GEMIN2: variants seen among roughly 807,000 people sequenced by gnomAD.
The protein encoded by GEMIN2 is gem-associated protein 2.
GEMIN2 carries 37 observed loss-of-function variants against 45.8 expected under a neutral mutation model. The ratio of observed to expected loss-of-function variants is 0.81; its 90% confidence interval spans 0.62 to 1.06. GEMIN2 has a LOEUF of 1.06. GEMIN2 is among the 50% of genes least tolerant of loss of function. The probability of loss-of-function intolerance (pLI) is 0.00; values close to 1 mark genes in which losing one functional copy is unlikely to be tolerated. For missense variants in GEMIN2, 335 were observed against 321.8 expected (o/e 1.04, Z -0.31); for synonymous variants, 101 against 111.5 (o/e 0.91, Z 0.60).
intron 9 of GEMIN2, among the ~76,000 whole-genome samples, chr14:39,135,304 G>C (rs920761301): frequency 6.6e-6 from 1 of 152,148 alleles, no homozygotes; most frequent in Non-Finnish European, 1.5e-5. Context: ...GGAAAAAAAG[G>C]ACCGGGCATG....
intron 4 of GEMIN2, among the ~76,000 whole-genome samples, chr14:39,120,943 T>C (rs550785443): frequency 2.0e-5 from 3 of 152,324 alleles, no homozygotes; most frequent in South Asian, 4.1e-4. Flanking sequence ...TACAAGGTGA[T>C]ATGTACAAAC....
intron 8 of GEMIN2, among the ~76,000 whole-genome samples, chr14:39,132,902 C>T (rs995037275): frequency 8.6e-5 from 13 of 150,808 alleles, no homozygotes; most frequent in Admixed American, 8.0e-4. Context: ...TGGTCTCAAA[C>T]TGCTGACTTC....
In GEMIN2 at chr14:39,118,077, A is replaced by G. The variant is rs755485752; in HGVS notation, c.301A>G (p.Thr101Ala). The change falls in exon 3 of 10, where the codon ACT (threonine) becomes GCT (alanine). Residue 101 changes from threonine (T) to alanine (A), a missense_variant. Coordinates refer to ENST00000308317, the MANE Select transcript of GEMIN2 (RefSeq NM_003616.3). ...WQQQQVAQFS[T>A]VRQNVNKHRS... is the part of the protein sequence containing the mutation. ...ACAGCAACAAGTGGCACAGTTTTCA[A>G]CTGTTCGACAGGTAAGTGTCATATT... is the stretch of plus-strand genomic sequence containing the variant. The G allele has an allele frequency of 1.9e-6, 3 of 1,572,638 alleles. No individual in the cohort carries two copies. Among genetic ancestry groups the G allele is most frequent in the Non-Finnish European group, 2.6e-6 (3 of 1,145,010 alleles).
At position 39,128,266 on chromosome 14, in the gene GEMIN2, CTT is replaced by C. The variant is rs546041076; in HGVS notation, c.532-4_532-3del. Reference sequence around the variant, plus strand: ...TTAATACAACTCTTCTCCACCCCCTCTTTTTTTTTTTAGGCAACAGTAACTAG... The same window carrying C: ...TTAATACAACTCTTCTCCACCCCCTCTTTTTTTTTAGGCAACAGTAACTAG... On this transcript the variant is annotated splice_polypyrimidine_tract_variant and intron_variant, in intron 6 of 9. Transcript: ENST00000308317. The C allele has an allele frequency of 4.8e-4, 552 of 1,144,968 alleles. 2 individuals are homozygous for C. The highest frequency in any genetic ancestry group is 1.9e-3 in the East Asian group (66 of 34,204). 70.9% of individuals were successfully genotyped at this position (1,144,968 alleles called of 1,614,324 possible).
At position 39,123,685 on chromosome 14, in the gene GEMIN2, G is replaced by GTTAT. The variant is rs1566532769; in HGVS notation, c.486+1142_486+1143insTTAT. Among the ~76,000 whole-genome samples, 137 of 59,610 alleles carry GTTAT rather than the reference G, an allele frequency of 2.3e-3. 2 individuals carry two copies. Among genetic ancestry groups the GTTAT allele is most frequent in the African/African-American group, 7.9e-3 (131 of 16,540 alleles). The allele number at this position is 59,610 out of a possible 152,430, so 39.1% of individuals were successfully genotyped here. ...TAACATATGCTACATTTCAAAAATA[G>GTTAT]CTATATATATATATATATATATATT... is the stretch of plus-strand genomic sequence containing the variant. On this transcript the variant is annotated intron_variant, in intron 5 of 9. Transcript: ENST00000308317.
At chr14:39,129,643 C>T (rs1397864111) in intron 7 of GEMIN2, among the ~76,000 whole-genome samples, 2 of 152,082 alleles carry the variant, frequency 1.3e-5, no homozygotes, top group African/African-American at 2.4e-5. Flanking sequence ...GAACTCATGA[C>T]CTCAGGTGAT....
intron 7 of GEMIN2, among the ~76,000 whole-genome samples, chr14:39,129,945 T>G (rs1051590037): frequency 1.1e-4 from 15 of 135,452 alleles, no homozygotes; most frequent in East Asian, 4.2e-4. Context: ...TTTTTTTTTT[T>G]TTTTTTTTTT....
intron 7 of GEMIN2, among the ~76,000 whole-genome samples, chr14:39,131,228 CA>C (rs978679765): frequency 3.5e-4 from 53 of 152,100 alleles, no homozygotes; most frequent in African/African-American, 1.2e-3. Flanking sequence ...ACCCGGGAGG[CA>C]GAGGTTGCAG....
intron 5 of GEMIN2, 153 bp downstream of exon 5, chr14:39,122,696 TA>T (rs1285236906): frequency 2.1e-6 from 1 of 466,942 alleles, no homozygotes; most frequent in Non-Finnish European, 3.9e-6. Context: ...TTTGAAAGAG[TA>T]AAAAAGAAAC....
chr14:39,122,841 G>A lies in GEMIN2; in HGVS notation c.486+298G>A, dbSNP rs566738242. The stretch of plus-strand genomic sequence containing the variant: ...AACCTAACAAAACAGCTTAGTTTCT[G>A]AAACAATTTACTGTGACTTTTTTTA... On this transcript the variant is annotated intron_variant, in intron 5 of 9. Coordinates refer to ENST00000308317, the MANE Select transcript of GEMIN2 (RefSeq NM_003616.3). 1.8e-4 allele frequency: 41 copies of A among 227,584 alleles called. 1 individual carries two copies. In the South Asian group the frequency reaches 6.8e-3, roughly 38 times the overall value. 14.1% of individuals were successfully genotyped at this position (227,584 alleles called of 1,614,324 possible).
At chr14:39,120,613 A>G (rs1594510947) in intron 4 of GEMIN2, among the ~76,000 whole-genome samples, 1 of 1,214 alleles carries the variant, frequency 8.2e-4, no homozygotes, top group African/African-American at 3.1e-3. Context: ...GTGAGGTTTT[A>G]TTTTATTTTA....
intron 8 of GEMIN2, among the ~76,000 whole-genome samples, chr14:39,132,814 G>A (rs2052735230): frequency 6.6e-6 from 1 of 150,556 alleles, no homozygotes; most frequent in Non-Finnish European, 1.5e-5. Flanking sequence ...GAGTAGCTGA[G>A]ATTACAGGTG....
Position 39,122,493 on chromosome 14 carries a change from G to A in GEMIN2, c.436G>A (p.Gly146Arg), listed in dbSNP as rs140431922. ...TCTGGGTGAAAAGTTATGTGCTGAC[G>A]GGGCTGTTGGACCAGCCACAAATGA... ...FCLGEKLCAD[G>R]AVGPATNESP... The change falls in exon 5 of 10, where the codon GGG becomes AGG. Residue 146 changes from glycine to arginine, a missense_variant. By Grantham distance (125) the Gly-to-Arg change is moderately radical. Transcript: ENST00000308317. 198 of 1,609,546 alleles carry A rather than the reference G, an allele frequency of 1.2e-4. No individual in the cohort carries two copies. In the African/African-American group the frequency reaches 2.1e-3, roughly 17 times the overall value.
intron 6 of GEMIN2, 89 bp downstream of exon 6, chr14:39,125,125 C>A: frequency 1.4e-6 from 1 of 720,532 alleles, no homozygotes. Flanking sequence ...TGAATTCTTA[C>A]AGTATGCAAG....
intron 2 of GEMIN2, among the ~76,000 whole-genome samples, chr14:39,117,128 C>T (rs1487791325): frequency 2.0e-5 from 3 of 151,848 alleles, no homozygotes; most frequent in South Asian, 2.1e-4. Flanking sequence ...CAAAATTAGC[C>T]GGGTGTGGTG....
intron 9 of GEMIN2, among the ~76,000 whole-genome samples, chr14:39,135,459 GC>G (rs2052770153): frequency 6.6e-6 from 1 of 152,048 alleles, no homozygotes; most frequent in South Asian, 2.1e-4. Flanking sequence ...GGTGGTTCAC[GC>G]CTGTAATCCC....
chr14:39,133,615 G>A (rs746580014), intron 8 of GEMIN2, 46 bp from the exon 9 acceptor site: 1 of 1,013,120 alleles, frequency 9.9e-7, no homozygotes, highest in South Asian at 1.6e-5. Flanking sequence ...TATTTCAAAA[G>A]TAATAGGAAC....
chr14:39,125,075 G>A, intron 6 of GEMIN2, 39 bp downstream of exon 6: 1 of 960,346 alleles, frequency 1.0e-6, no homozygotes, highest in Non-Finnish European at 1.7e-6. Flanking sequence ...TCTTTTGTTT[G>A]CATTGTGTGT....
At chr14:39,122,187 A>T (rs1392978328) in intron 4 of GEMIN2, among the ~76,000 whole-genome samples, 2 of 152,068 alleles carry the variant, frequency 1.3e-5, no homozygotes, top group African/African-American at 4.8e-5. Context: ...GGCTCACCCT[A>T]ATGGCCTCAA....
Sources: allele counts gnomAD v4.1 joint callset (sites outside exome capture counted in the v4.1 genomes callset), GRCh38; gene constraint gnomAD v4.1.1; transcripts MANE v1.5; gene names NCBI Gene and HGNC (gene_info 2026-07-23, HGNC 2026-07-21).